CAPSL: variants seen among roughly 807,000 people sequenced by gnomAD.
CAPSL encodes the protein calcyphosin-like protein.
CAPSL carries 17 observed loss-of-function variants against 21.3 expected under a neutral mutation model. The observed-to-expected ratio is 0.80, with a 90% CI of 0.55 to 1.20. The LOEUF is 1.20. Among genes scored for constraint, CAPSL ranks in the 50% most tolerant of loss-of-function variants. The probability of loss-of-function intolerance (pLI) is 0.00; values close to 1 mark genes in which losing one functional copy is unlikely to be tolerated. For synonymous variants in CAPSL, 102 were observed against 89.3 expected (o/e 1.14, Z -0.80); for missense variants, 289 against 259.3 (o/e 1.11, Z -0.79).
In CAPSL at chr5:35,909,940, C is replaced by T. The variant is rs905926313; in HGVS notation, c.451G>A (p.Gly151Arg). Residue 151 changes from glycine to arginine, a missense_variant, in exon 4 of 5, where the codon GGG becomes AGG. Gly to Arg is a moderately radical substitution (Grantham distance 125). Coordinates refer to ENST00000651391, the MANE Select transcript of CAPSL (RefSeq NM_001042625.2). ...NAKHHPKYQN[G>R]EWSEEQVFRK... is the part of the protein sequence containing the mutation. ...AATACTTGTTCCTCACTCCATTCCCCATTCTGGTACTTTGGGTGGTGTTTT... is the reference window on the plus strand; with the variant it reads ...AATACTTGTTCCTCACTCCATTCCCTATTCTGGTACTTTGGGTGGTGTTTT... 5.0e-6 allele frequency: 8 copies of T among 1,613,776 alleles called. No homozygotes were observed. The African/African-American group carries it at 1.1e-4, about 22-fold the overall frequency.
At chr5:35,933,981 C>T (rs185724619) in intron 1 of CAPSL, among the ~76,000 whole-genome samples, 117 of 152,242 alleles carry the variant, frequency 7.7e-4, no homozygotes, top group African/African-American at 2.7e-3. Context: ...TTGAGAATCC[C>T]GTGAGAAGCC....
At chr5:35,907,311 T>A (rs1424463098) in intron 4 of CAPSL, among the ~76,000 whole-genome samples, 1 of 152,140 alleles carries the variant, frequency 6.6e-6, no homozygotes, top group Non-Finnish European at 1.5e-5. Context: ...CCTAACATAT[T>A]TTTAATTATT....
At position 35,931,790 on chromosome 5, in the gene CAPSL, G is replaced by A. The variant is rs151131569; in HGVS notation, c.-1+6751C>T. On this transcript the variant is annotated intron_variant, in intron 1 of 4. Coordinates refer to ENST00000651391, the MANE Select transcript of CAPSL (RefSeq NM_001042625.2). ...CAAGACAAAAGAAAAGTAAAACTTC[G>A]GTTGGTTTCAGTGTTTATGTGCTTA... 4.4e-4 allele frequency among the ~76,000 whole-genome samples: 67 copies of A among 152,172 alleles called. No individual in the cohort carries two copies. The East Asian group carries it at 0.011, about 25-fold the overall frequency.
chr5:35,908,395 G>T (rs916076213), intron 4 of CAPSL, among the ~76,000 whole-genome samples: 1 of 152,222 alleles, frequency 6.6e-6, no homozygotes, highest in African/African-American at 2.4e-5. Flanking sequence ...ACCTTTATGA[G>T]CTTTTGAGAG....
intron 3 of CAPSL, 40 bp from the exon 4 acceptor site, chr5:35,910,115 C>A: frequency 6.6e-7 from 1 of 1,512,240 alleles, no homozygotes; most frequent in Non-Finnish European, 8.9e-7. Context: ...CATACATAAG[C>A]AAATGAGCTT....
At chr5:35,905,495 C>A (rs1182688083) in intron 4 of CAPSL, among the ~76,000 whole-genome samples, 1 of 152,162 alleles carries the variant, frequency 6.6e-6, no homozygotes, top group Non-Finnish European at 1.5e-5. Context: ...CCACAGTTGT[C>A]TTTCATACCA....
At chr5:35,917,070 C>T (rs893578160) in intron 2 of CAPSL, among the ~76,000 whole-genome samples, 2 of 152,208 alleles carry the variant, frequency 1.3e-5, no homozygotes, top group Non-Finnish European at 2.9e-5. Flanking sequence ...TGAACAGGCA[C>T]TTCTCAAAAG....
At chr5:35,922,248 C>G (rs1237186340) in intron 1 of CAPSL, among the ~76,000 whole-genome samples, 1 of 152,150 alleles carries the variant, frequency 6.6e-6, no homozygotes, top group Non-Finnish European at 1.5e-5. Context: ...CTCCTATACA[C>G]CCTGAAAGGT....
intron 1 of CAPSL, among the ~76,000 whole-genome samples, chr5:35,924,837 A>G (rs905562712): frequency 1.4e-4 from 22 of 152,220 alleles, no homozygotes; most frequent in African/African-American, 4.8e-4. Context: ...CTTTTAAGGA[A>G]GGCAGGATTG....
chr5:35,927,181 T>TGA (rs1431986217), intron 1 of CAPSL, among the ~76,000 whole-genome samples: 6 of 152,154 alleles, frequency 3.9e-5, no homozygotes, highest in African/African-American at 1.4e-4. Flanking sequence ...GCACGTACTG[T>TGA]GAGGAAGCTG....
chr5:35,934,326 G>C (rs921913106), intron 1 of CAPSL, among the ~76,000 whole-genome samples: 5 of 152,152 alleles, frequency 3.3e-5, no homozygotes, highest in African/African-American at 1.2e-4. Flanking sequence ...CAGACACCCA[G>C]ATTTTCCTCT....
At chr5:35,906,289 C>G (rs1173164910) in intron 4 of CAPSL, among the ~76,000 whole-genome samples, 1 of 152,148 alleles carries the variant, frequency 6.6e-6, no homozygotes, top group Non-Finnish European at 1.5e-5. Context: ...TGTAATAATC[C>G]TATCCCTAGC....
chr5:35,910,325 A>G, intron 3 of CAPSL, 41 bp downstream of exon 3: 1 of 1,591,388 alleles, frequency 6.3e-7, no homozygotes, highest in Non-Finnish European at 8.6e-7. Flanking sequence ...ACCACGTGAA[A>G]GCCAAACTCA....
chr5:35,916,303 G>T (rs1226938060), intron 2 of CAPSL, among the ~76,000 whole-genome samples: 1 of 152,018 alleles, frequency 6.6e-6, no homozygotes, highest in African/African-American at 2.4e-5. Flanking sequence ...GTAATTTATA[G>T]ATTCAATGCC....
intron 1 of CAPSL, among the ~76,000 whole-genome samples, chr5:35,937,256 A>G (rs1013487230): frequency 6.6e-6 from 1 of 152,234 alleles, no homozygotes; most frequent in African/African-American, 2.4e-5. Context: ...ACTTCATGAT[A>G]TAGTTTAAGA....
chr5:35,911,511 A>C lies in CAPSL; in HGVS notation c.138-968T>G, dbSNP rs571194821. 4.5e-4 allele frequency among the ~76,000 whole-genome samples: 68 copies of C among 152,314 alleles called. 1 individual carries two copies. The highest frequency in any genetic ancestry group is 3.4e-3 in the Middle Eastern group (1 of 294). On this transcript the variant is annotated intron_variant, in intron 2 of 4. Transcript: ENST00000651391. ...AATTCCAATAGGTGGGCATCCTACA[A>C]AATACTTGACCTCTCACATTCATCA...
intron 1 of CAPSL, among the ~76,000 whole-genome samples, chr5:35,932,428 A>C (rs1231621015): frequency 6.6e-6 from 1 of 152,130 alleles, no homozygotes. Flanking sequence ...GAAAAGAAAA[A>C]GGGCAAAAGG....
At chr5:35,908,520 C>G (rs927065338) in intron 4 of CAPSL, among the ~76,000 whole-genome samples, 5 of 152,128 alleles carry the variant, frequency 3.3e-5, no homozygotes. Flanking sequence ...TGAGGTTTCC[C>G]CTGGCAATGA....
Position 35,921,053 on chromosome 5 carries a change from G to C in CAPSL, c.68C>G (p.Thr23Ser), listed in dbSNP as rs1422028680. The C allele has an allele frequency of 6.2e-7, 1 of 1,614,080 alleles. No homozygotes were observed. Among genetic ancestry groups the C allele is most frequent in the Admixed American group, 1.7e-5 (1 of 60,016 alleles). ...CAGTCGGAGTCTTTCAATGGGGTCGGTGGCCGTGGTGAGCTTTTTCTTGGC... is the reference window on the plus strand; with the variant it reads ...CAGTCGGAGTCTTTCAATGGGGTCGCTGGCCGTGGTGAGCTTTTTCTTGGC... ...IQAKKKLTTA[T>S]DPIERLRLQC... The change falls in exon 2 of 5, where the codon ACC becomes AGC. Residue 23 changes from threonine (T) to serine (S), a missense_variant. Coordinates refer to ENST00000651391, the MANE Select transcript of CAPSL (RefSeq NM_001042625.2).
Sources: allele counts gnomAD v4.1 joint callset (sites outside exome capture counted in the v4.1 genomes callset), GRCh38; gene constraint gnomAD v4.1.1; transcripts MANE v1.5; gene names NCBI Gene and HGNC (gene_info 2026-07-23, HGNC 2026-07-21).